Variants in MAGI2 observed in about 807,000 individuals in gnomAD.
MAGI2 encodes the protein membrane associated guanylate kinase, WW and PDZ domain containing 2, also known as membrane-associated guanylate kinase, WW and PDZ domain-containing protein 2.
A neutral mutation model predicts 133.3 loss-of-function variants in MAGI2; 35 were observed. The ratio of observed to expected loss-of-function variants is 0.26; its 90% confidence interval spans 0.20 to 0.35. The LOEUF (loss-of-function observed/expected upper bound fraction) is 0.35, where lower values mean the gene tolerates loss of function less well. Among genes scored for constraint, MAGI2 ranks in the 10% least tolerant of loss-of-function variants. The pLI is 1.00. For missense variants in MAGI2, 1,636 were observed against 1,863.4 expected, an observed-to-expected ratio of 0.88 and a Z score of 2.25; for synonymous variants, 729 against 710.6, an observed-to-expected ratio of 1.03 and a Z score of -0.41.
chr7:79,189,214 T>C lies in MAGI2; in HGVS notation c.302-182008A>G, dbSNP rs566813209. Among the ~76,000 whole-genome samples, 3 of 149,078 alleles carry C rather than the reference T, an allele frequency of 2.0e-5. 1 individual carries two copies. Among genetic ancestry groups the C allele is most frequent in the South Asian group, 4.2e-4 (2 of 4,788 alleles). ...TTACCACACAGAAGCCCTGTTCTCA[T>C]AGGGAGTTCTACAGGCTATGTACCA... On this transcript the variant is annotated intron_variant, in intron 1 of 21. Transcript: ENST00000354212.
chr7:78,775,825 C>T (rs760437088), intron 2 of MAGI2, among the ~76,000 whole-genome samples: 2 of 152,200 alleles, frequency 1.3e-5, no homozygotes, highest in Non-Finnish European at 2.9e-5. Context: ...AGACCCAACG[C>T]AACTGGTGCT....
At chr7:79,166,620 T>C (rs901525665) in intron 1 of MAGI2, among the ~76,000 whole-genome samples, 2 of 152,064 alleles carry the variant, frequency 1.3e-5, no homozygotes, top group African/African-American at 4.8e-5. Context: ...CAAAAGAAGG[T>C]TTGTGTTATC....
chr7:79,310,195 AGAG>A (rs1185081407), intron 1 of MAGI2, among the ~76,000 whole-genome samples: 19 of 63,780 alleles, frequency 3.0e-4, no homozygotes, highest in African/African-American at 7.2e-4. Context: ...AAAAAAAAAA[AGAG>A]AGAGAGAGAG....
At chr7:78,841,904 G>A (rs1792175848) in intron 2 of MAGI2, among the ~76,000 whole-genome samples, 1 of 151,838 alleles carries the variant, frequency 6.6e-6, no homozygotes, top group Non-Finnish European at 1.5e-5. Context: ...TTTCCTTAGA[G>A]CCCTGCACCT....
At chr7:78,720,014 CA>C (rs1820111415) in intron 2 of MAGI2, among the ~76,000 whole-genome samples, 2 of 152,030 alleles carry the variant, frequency 1.3e-5, no homozygotes, top group Admixed American at 6.5e-5. Context: ...TCATAATCTA[CA>C]AAAATATATC....
intron 2 of MAGI2, among the ~76,000 whole-genome samples, chr7:78,926,877 T>C (rs1386481529): frequency 1.3e-5 from 2 of 151,794 alleles, no homozygotes; most frequent in African/African-American, 4.8e-5. Flanking sequence ...CCATTCTGAC[T>C]GTAATTCCTG....
At chr7:78,843,064 C>T (rs1428825388) in intron 2 of MAGI2, among the ~76,000 whole-genome samples, 1 of 151,800 alleles carries the variant, frequency 6.6e-6, no homozygotes, top group African/African-American at 2.4e-5. Context: ...CAGGATTTCT[C>T]AATTTTGGTA....
rs193166233 is a variant in MAGI2 at position 79,385,686 on chromosome 7, C to T, written c.301+67334G>A. Reference sequence around the variant, plus strand: ...ATGAAAGAGTGGTTATCACAGGTGGCGAGGGGGACGGAAATGGGGAGATGT... The same window carrying T: ...ATGAAAGAGTGGTTATCACAGGTGGTGAGGGGGACGGAAATGGGGAGATGT... On this transcript the variant is annotated intron_variant, in intron 1 of 21. Transcript: ENST00000354212. Among the ~76,000 whole-genome samples the T allele has an allele frequency of 6.7e-3, 1,016 of 151,522 alleles. 7 individuals are homozygous for T. Among genetic ancestry groups the T allele is most frequent in the Admixed American group, 0.011 (162 of 15,170 alleles).
At chr7:78,938,326 G>A (rs719413) in intron 2 of MAGI2, among the ~76,000 whole-genome samples, 1 of 151,798 alleles carries the variant, frequency 6.6e-6, no homozygotes, top group Non-Finnish European at 1.5e-5. Context: ...ATTATATAAC[G>A]ATTCAAAGTT....
At chr7:79,022,646 C>CAAAAA (rs61289194) in intron 1 of MAGI2, among the ~76,000 whole-genome samples, 7 of 118,610 alleles carry the variant, frequency 5.9e-5, no homozygotes, top group East Asian at 2.6e-4. Flanking sequence ...AGACAAGATC[C>CAAAAA]AAAAAAAAAA....
intron 4 of MAGI2, among the ~76,000 whole-genome samples, chr7:78,504,408 A>G (rs1411199443): frequency 6.6e-6 from 1 of 152,174 alleles, no homozygotes; most frequent in Admixed American, 6.5e-5. Flanking sequence ...AGGATAAACA[A>G]TGAGTCTTAT....
At chr7:79,362,899 G>A (rs562297195) in intron 1 of MAGI2, among the ~76,000 whole-genome samples, 72 of 151,864 alleles carry the variant, frequency 4.7e-4, no homozygotes, top group African/African-American at 1.7e-3. Flanking sequence ...CAAGTCAAAG[G>A]CATCGGTTCT....
At chr7:78,728,887 T>C (rs934785840) in intron 2 of MAGI2, among the ~76,000 whole-genome samples, 2 of 152,110 alleles carry the variant, frequency 1.3e-5, no homozygotes, top group Admixed American at 1.3e-4. Context: ...GATCTTTTTA[T>C]ATCTGAAAAA....
chr7:78,970,489 G>A (rs1466300938), intron 2 of MAGI2, among the ~76,000 whole-genome samples: 3 of 152,008 alleles, frequency 2.0e-5, no homozygotes, highest in Admixed American at 6.6e-5. Flanking sequence ...TCACTGAAAA[G>A]CCTATGAGAT....
chr7:79,053,415 A>T (rs996881714), intron 1 of MAGI2, among the ~76,000 whole-genome samples: 1 of 152,204 alleles, frequency 6.6e-6, no homozygotes, highest in African/African-American at 2.4e-5. Flanking sequence ...TATGCCCAGC[A>T]AATACTCAAC....
At chr7:79,074,256 C>T (rs1815257437) in intron 1 of MAGI2, among the ~76,000 whole-genome samples, 1 of 152,094 alleles carries the variant, frequency 6.6e-6, no homozygotes, top group African/African-American at 2.4e-5. Context: ...CCTATGTAGC[C>T]CTGACTTTAA....
intron 2 of MAGI2, among the ~76,000 whole-genome samples, chr7:78,877,426 G>A (rs186500777): frequency 2.0e-4 from 30 of 152,244 alleles, no homozygotes; most frequent in Admixed American, 1.6e-3. Flanking sequence ...ACATAAATCA[G>A]CAAAGAAACA....
intron 4 of MAGI2, among the ~76,000 whole-genome samples, chr7:78,509,546 A>G (rs576067811): frequency 6.6e-6 from 1 of 152,336 alleles, no homozygotes; most frequent in South Asian, 2.1e-4. Flanking sequence ...CATTTAGTTC[A>G]GTCCTTATAA....
At chr7:79,326,438 A>G (rs1403011786) in intron 1 of MAGI2, among the ~76,000 whole-genome samples, 1 of 152,134 alleles carries the variant, frequency 6.6e-6, no homozygotes, top group African/African-American at 2.4e-5. Context: ...TAGGGTTGAA[A>G]CTGTGTAAGA....
Sources: allele counts gnomAD v4.1 joint callset (sites outside exome capture counted in the v4.1 genomes callset), GRCh38; gene constraint gnomAD v4.1.1; transcripts MANE v1.5; gene names NCBI Gene and HGNC (gene_info 2026-07-23, HGNC 2026-07-21).